The following CLIC5 variants were observed in gnomAD, a reference collection of about 807,000 sequenced individuals.
CLIC5 encodes the protein CLIC family member 5.
Under a neutral mutation model 24.7 loss-of-function variants are expected in CLIC5, and 20 were observed. The ratio of observed to expected loss-of-function variants is 0.81; its 90% CI spans 0.57 to 1.18. The LOEUF is 1.18. Ranked by LOEUF, CLIC5 falls within the 50% of genes most tolerant of loss-of-function variation. The pLI, the probability that CLIC5 is intolerant of heterozygous loss-of-function variation, is 0.00. For synonymous variants in CLIC5, 159 were observed against 135.6 expected (o/e 1.17, Z -1.20); for missense variants, 341 against 326.1 (o/e 1.05, Z -0.35).
chr6:46,011,555 C>T (rs1766811518), intron 1 of CLIC5, among the ~76,000 whole-genome samples: 1 of 152,198 alleles, frequency 6.6e-6, no homozygotes, highest in Admixed American at 6.5e-5. Flanking sequence ...GTAGTGAAGG[C>T]TGAGAACCAC....
chr6:45,884,144 G>A (rs199800831), intron 6 of CLIC5, among the ~76,000 whole-genome samples: 1 of 152,144 alleles, frequency 6.6e-6, no homozygotes, highest in East Asian at 1.9e-4. Context: ...CCCTCTACTT[G>A]GCTACTCTTC....
intron 1 of CLIC5, among the ~76,000 whole-genome samples, chr6:45,981,217 C>T (rs1765559569): frequency 6.6e-6 from 1 of 152,098 alleles, no homozygotes; most frequent in South Asian, 2.1e-4. Flanking sequence ...AATCCACCCA[C>T]CTCAGCCTCC....
intron 1 of CLIC5, among the ~76,000 whole-genome samples, chr6:46,068,343 C>T (rs1762498840): frequency 6.6e-6 from 1 of 152,168 alleles, no homozygotes; most frequent in Admixed American, 6.5e-5. Flanking sequence ...AGGGCTTGGA[C>T]TACCACTCTT....
chr6:46,003,368 C>A (rs139278551), intron 1 of CLIC5, among the ~76,000 whole-genome samples: 53 of 152,306 alleles, frequency 3.5e-4, no homozygotes, highest in African/African-American at 1.2e-3. Flanking sequence ...TCTTTCCCAA[C>A]ATTTTCCTCT....
chr6:45,990,695 A>C (rs1765906042), intron 1 of CLIC5, among the ~76,000 whole-genome samples: 1 of 152,206 alleles, frequency 6.6e-6, no homozygotes, highest in African/African-American at 2.4e-5. Context: ...TCTTAATCTA[A>C]ATTTAGGAAG....
At chr6:46,127,098 T>C in the CLIC5 span, among the ~76,000 whole-genome samples, 1 of 152,230 alleles carries the variant, frequency 6.6e-6, no homozygotes, top group Admixed American at 6.5e-5. Context: ...AGTTTTTGTG[T>C]ATTGATAAAT....
intron 2 of CLIC5, among the ~76,000 whole-genome samples, chr6:45,953,815 G>C (rs1373582969): frequency 6.6e-6 from 1 of 152,182 alleles, no homozygotes; most frequent in Non-Finnish European, 1.5e-5. Flanking sequence ...AGAACAATGA[G>C]ACTCTCAGGG....
At chr6:46,016,424 G>A (rs1767011004), upstream of CLIC5, among the ~76,000 whole-genome samples, 2 of 152,120 alleles carry the variant, frequency 1.3e-5, no homozygotes. Flanking sequence ...GGACGGGCAG[G>A]GCAGGGCAGG....
intron 4 of CLIC5, among the ~76,000 whole-genome samples, chr6:45,929,671 C>A (rs992171659): frequency 6.6e-6 from 1 of 152,172 alleles, no homozygotes; most frequent in Non-Finnish European, 1.5e-5. Context: ...CCTGACCACC[C>A]AGGAGCCTTC....
intron 1 of CLIC5, among the ~76,000 whole-genome samples, chr6:45,965,848 G>A (rs768009845): frequency 1.3e-5 from 2 of 152,064 alleles, no homozygotes; most frequent in African/African-American, 4.8e-5. Context: ...GCTCTTGATC[G>A]TGAATCCATT....
chr6:46,109,969 C>A, the CLIC5 span, among the ~76,000 whole-genome samples: 1 of 152,058 alleles, frequency 6.6e-6, no homozygotes, highest in Admixed American at 6.6e-5. Context: ...GCTACCCTCA[C>A]CCACCATAAT....
intron 6 of CLIC5, among the ~76,000 whole-genome samples, chr6:45,882,166 A>G (rs1332488218): frequency 6.6e-6 from 1 of 152,198 alleles, no homozygotes; most frequent in Non-Finnish European, 1.5e-5. Flanking sequence ...GAGACTCCCA[A>G]TTACCAAAAA....
chr6:45,945,525 A>G (rs1294871223), intron 3 of CLIC5, among the ~76,000 whole-genome samples: 1 of 152,136 alleles, frequency 6.6e-6, no homozygotes, highest in Non-Finnish European at 1.5e-5. Context: ...CTTGGAGGGC[A>G]TGTATTCCAA....
intron 1 of CLIC5, among the ~76,000 whole-genome samples, chr6:46,045,861 T>C (rs1242002577): frequency 1.3e-5 from 2 of 152,190 alleles, no homozygotes; most frequent in African/African-American, 2.4e-5. Flanking sequence ...TTCTATGAAA[T>C]AGTATTCATG....
chr6:46,017,384 C>T (rs1767049197), upstream of CLIC5, among the ~76,000 whole-genome samples: 1 of 152,122 alleles, frequency 6.6e-6, no homozygotes, highest in African/African-American at 2.4e-5. Context: ...CATGTGTGAA[C>T]TTGTATAATA....
the CLIC5 span, among the ~76,000 whole-genome samples, chr6:46,086,165 G>A: frequency 4.6e-5 from 7 of 152,360 alleles, no homozygotes; most frequent in African/African-American, 1.2e-4. Context: ...TCTTTGACTA[G>A]GAAAGGGAAC....
At position 45,899,105 on chromosome 6, in the gene CLIC5, G is replaced by A. The variant is rs1372028664; in HGVS notation, c.*3983C>T. On this transcript the variant is annotated 3_prime_UTR_variant, in exon 6 of 6. Transcript: ENST00000339561. ...ATGCATACTGACAAAGGGGAAGAATGTGTGTTGATGAGGAGGGCACATGTT... is the reference window on the plus strand; with the variant it reads ...ATGCATACTGACAAAGGGGAAGAATATGTGTTGATGAGGAGGGCACATGTT... 6.6e-6 allele frequency: 1 copy of A among 152,202 alleles called. No individual in the cohort carries two copies. The highest frequency in any genetic ancestry group is 1.5e-5 in the Non-Finnish European group (1 of 68,036). The allele number at this position is 152,202 out of a possible 1,614,324, so 9.4% of individuals were successfully genotyped here. A position where few individuals can be genotyped will look rare whatever the true frequency, so the allele number is the denominator to read the frequency against.
intron 4 of CLIC5, among the ~76,000 whole-genome samples, chr6:45,929,126 C>T (rs1167466095): frequency 6.6e-6 from 1 of 152,148 alleles, no homozygotes; most frequent in East Asian, 1.9e-4. Context: ...TCCCCACCCC[C>T]TTCTCCCCAT....
chr6:45,910,174 C>T (rs1254392951), intron 5 of CLIC5, among the ~76,000 whole-genome samples: 1 of 152,122 alleles, frequency 6.6e-6, no homozygotes, highest in East Asian at 1.9e-4. Flanking sequence ...GGATAGCAAT[C>T]ACAGGTTCTT....
Sources: gnomAD v4.1 joint callset for allele counts (sites outside exome capture counted in the v4.1 genomes callset) on GRCh38, gnomAD v4.1.1 for gene constraint, MANE v1.5 for transcripts, NCBI Gene and HGNC (gene_info 2026-07-23, HGNC 2026-07-21) for gene names.